Variants in MROH7 observed in about 807,000 individuals in gnomAD.
MROH7 encodes the protein maestro heat-like repeat-containing protein family member 7.
MROH7 carries 113 observed loss-of-function variants against 129.2 expected under a neutral mutation model. That is an observed-to-expected ratio of 0.87 (90% CI 0.75 to 1.02). MROH7 has a LOEUF of 1.02. Among genes scored for constraint, MROH7 ranks in the 50% least tolerant of loss-of-function variants. The pLI is 0.00. For missense variants in MROH7, 1,601 were observed against 1,671.3 expected (o/e 0.96, Z 0.73); for synonymous variants, 655 against 667.9 (o/e 0.98, Z 0.30).
chr1:54,706,596 T>C lies in MROH7; in HGVS notation c.3667+59T>C, dbSNP rs953122839. On this transcript the variant is annotated intron_variant, in intron 22 of 23. Transcript: ENST00000421030. ...AGGGCTCTGCCTGCTCTCCAGTTTG[T>C]TTCCTCCCAGGCTGCTAGCCCTTTC... 7 of 1,356,306 alleles carry C rather than the reference T, an allele frequency of 5.2e-6. No individual in the cohort carries two copies. The African/African-American group carries it at 1.0e-4, about 19-fold the overall frequency. The allele number at this position is 1,356,306 out of a possible 1,614,324, so 84.0% of individuals were successfully genotyped here. A position where few individuals can be genotyped will look rare whatever the true frequency, so the allele number is the denominator to read the frequency against.
intron 16 of MROH7, among the ~76,000 whole-genome samples, chr1:54,694,829 G>C (rs60718492): frequency 6.6e-6 from 1 of 152,166 alleles, no homozygotes; most frequent in South Asian, 2.1e-4. Flanking sequence ...GGGTGGCACT[G>C]AGAGGACCAC....
chr1:54,703,352 C>T lies in MROH7; in HGVS notation c.3564+607C>T, dbSNP rs529690112. On this transcript the variant is annotated intron_variant, in intron 21 of 23. Transcript: ENST00000421030. The surrounding 1 kb of genome is among the most constrained non-coding windows in gnomAD (Gnocchi z 4.4). ...CACACTGGCTCCTTTTCTACAACAT[C>T]AATTCCCAGAGTTGTATTACCTGCA... Among the ~76,000 whole-genome samples, 14 of 152,302 alleles carry T rather than the reference C, an allele frequency of 9.2e-5. No homozygotes were observed. In the South Asian group the frequency reaches 1.5e-3, roughly 16 times the overall value.
At chr1:54,655,412 C>T (rs1367488485) in intron 3 of MROH7, among the ~76,000 whole-genome samples, 52 of 151,770 alleles carry the variant, frequency 3.4e-4, no homozygotes, top group Admixed American at 3.4e-3. Flanking sequence ...ACTCTGTTGC[C>T]CAGGCTGGAG....
Position 54,695,472 on chromosome 1 carries a change from C to T in MROH7, c.2946C>T (p.Ala982=), listed in dbSNP as rs745615514. ...GCGACGAGAAGCACAGGATCACGGC[C>T]ACCGCCTTCTTCGTGGAGGTACCAA... ...ERGDEKHRIT[A]TAFFVELLQM... Residue 982 remains alanine, a synonymous_variant, in exon 17 of 24, where the codon GCC becomes GCT. Transcript: ENST00000421030. 1 of 1,613,514 alleles carries T rather than the reference C, an allele frequency of 6.2e-7. No individual in the cohort carries two copies. Among genetic ancestry groups the T allele is most frequent in the Non-Finnish European group, 8.5e-7 (1 of 1,179,684 alleles).
chr1:54,656,645 A>ACAGGCC (rs948811522), intron 3 of MROH7, among the ~76,000 whole-genome samples: 10 of 151,936 alleles, frequency 6.6e-5, no homozygotes, highest in African/African-American at 2.4e-4. Context: ...CAACATGGTG[A>ACAGGCC]AACCCTGTCT....
chr1:54,701,717 C>T (rs1557729748), intron 19 of MROH7, among the ~76,000 whole-genome samples: 2 of 152,052 alleles, frequency 1.3e-5, no homozygotes, highest in Non-Finnish European at 2.9e-5. Flanking sequence ...TATGGGCATG[C>T]ACCACTATGC....
intron 3 of MROH7, among the ~76,000 whole-genome samples, chr1:54,660,300 C>G (rs536979609): frequency 6.6e-6 from 1 of 152,132 alleles, no homozygotes; most frequent in Non-Finnish European, 1.5e-5. Flanking sequence ...TTTATAAAGG[C>G]CTTAATCCCA....
intron 1 of MROH7, among the ~76,000 whole-genome samples, chr1:54,648,336 T>TTTTATTTATTTATTTA (rs59068913): frequency 1.8e-4 from 25 of 142,226 alleles, no homozygotes; most frequent in South Asian, 4.6e-4. Flanking sequence ...TTGCATGCAA[T>TTTTATTTATTTATTTA]TTTATTTATT....
chr1:54,665,222 T>A lies in MROH7; in HGVS notation c.1287T>A (p.Gly429=). 6.2e-7 allele frequency: 1 copy of A among 1,613,806 alleles called. No homozygotes were observed. The highest frequency in any genetic ancestry group is 2.2e-5 in the East Asian group (1 of 44,866). ...CLVKVPEKTE[G]GNNMALVENV... ...TGAAGGTGCCAGAGAAGACAGAAGG[T>A]GGCAACAACATGGCTCTGGTATGCC... Residue 429 remains glycine, a synonymous_variant, in exon 4 of 24, where the codon GGT becomes GGA. Coordinates refer to ENST00000421030, the MANE Select transcript of MROH7 (RefSeq NM_001039464.4).
At chr1:54,671,736 C>T (rs995916274) in intron 7 of MROH7, among the ~76,000 whole-genome samples, 1 of 152,202 alleles carries the variant, frequency 6.6e-6, no homozygotes, top group Non-Finnish European at 1.5e-5. Context: ...TCATTCATCA[C>T]TTCATTTAGC....
At position 54,654,029 on chromosome 1, in the gene MROH7, T is replaced by C. The variant is rs189525766; in HGVS notation, c.1103T>C (p.Val368Ala). Residue 368 changes from valine to alanine, a missense_variant, in exon 3 of 24, where the codon GTG (valine) becomes GCG (alanine). By Grantham distance (64) the Val-to-Ala change is moderately conservative. Coordinates refer to ENST00000421030, the MANE Select transcript of MROH7 (RefSeq NM_001039464.4). ...GCCAAGGACAACAGCATCCACACTG[T>C]GCCCCTGGAGGAGAATCTGGAGAGT... is the stretch of plus-strand genomic sequence containing the variant. ...DDAKDNSIHT[V>A]PLEENLESWS... 0.016 allele frequency: 25,388 copies of C among 1,614,230 alleles called. 253 individuals carry two copies. Among genetic ancestry groups the C allele is most frequent in the Non-Finnish European group, 0.02 (23,167 of 1,180,040 alleles).
At position 54,653,749 on chromosome 1, in the gene MROH7, A is replaced by G. The variant is rs755608420; in HGVS notation, c.823A>G (p.Thr275Ala). The G allele has an allele frequency of 8.7e-6, 14 of 1,614,206 alleles. No homozygotes were observed. The Middle Eastern group carries it at 6.6e-4, about 76-fold the overall frequency. ...STTWSTSSKE[T>A]MNVASSGHSR... ...CACCTGGAGCACAAGTTCAAAGGAA[A>G]CCATGAATGTGGCTTCCAGCGGCCA... The change falls in exon 3 of 24, where the codon ACC (threonine) becomes GCC (alanine). Residue 275 changes from threonine to alanine, a missense_variant. Thr to Ala is a moderately conservative substitution (Grantham distance 58). Transcript: ENST00000421030.
chr1:54,676,312 A>C (rs1241411817), intron 10 of MROH7, among the ~76,000 whole-genome samples: 1 of 152,116 alleles, frequency 6.6e-6, no homozygotes, highest in Admixed American at 6.5e-5. Context: ...ATCATGGCTC[A>C]TTGCAGCCTC....
chr1:54,670,003 C>CAAA (rs34295281), intron 5 of MROH7, among the ~76,000 whole-genome samples: 2 of 105,178 alleles, frequency 1.9e-5, no homozygotes, highest in African/African-American at 6.8e-5. Flanking sequence ...GACTTCATGT[C>CAAA]AAAAAAAAAA....
chr1:54,642,610 A>G (rs995166045), intron 1 of MROH7, among the ~76,000 whole-genome samples: 2 of 152,094 alleles, frequency 1.3e-5, no homozygotes, highest in Admixed American at 6.6e-5. Flanking sequence ...GGGAATTAGT[A>G]GAAATCAATT....
intron 17 of MROH7, 186 bp downstream of exon 17, chr1:54,695,676 T>A: frequency 1.5e-6 from 1 of 646,858 alleles, no homozygotes; most frequent in South Asian, 1.7e-5. Context: ...CACCCTTTAC[T>A]CCATTCCACT....
At chr1:54,695,161 C>G (rs146285507) in intron 16 of MROH7, among the ~76,000 whole-genome samples, 394 of 152,318 alleles carry the variant, frequency 2.6e-3, no homozygotes, top group Non-Finnish European at 3.7e-3. Context: ...TCAGGCAAGT[C>G]TCTTTCCCAT....
chr1:54,681,462 T>C (rs1347263120), intron 13 of MROH7, among the ~76,000 whole-genome samples: 1 of 152,188 alleles, frequency 6.6e-6, no homozygotes, highest in South Asian at 2.1e-4. Context: ...TCAGTTCTTA[T>C]AGTTAATTTA....
At chr1:54,661,481 G>A (rs1644730800) in intron 3 of MROH7, among the ~76,000 whole-genome samples, 1 of 152,116 alleles carries the variant, frequency 6.6e-6, no homozygotes, top group Non-Finnish European at 1.5e-5. Flanking sequence ...CAAAGTGCTG[G>A]TATTACAGGC....
Sources: gnomAD v4.1 joint callset for allele counts (sites outside exome capture counted in the v4.1 genomes callset) on GRCh38, gnomAD v4.1.1 for gene constraint, Gnocchi (gnomAD v3.1) non-coding constraint, MANE v1.5 for transcripts, NCBI Gene and HGNC (gene_info 2026-07-23, HGNC 2026-07-21) for gene names.